PLCB1: variants seen among roughly 807,000 people sequenced by gnomAD.
PLCB1 encodes the protein phospholipase C beta 1.
A neutral mutation model predicts 161.8 loss-of-function variants in PLCB1; 46 were observed. The ratio of observed to expected loss-of-function variants is 0.28; its 90% CI spans 0.22 to 0.36. The LOEUF is 0.36. PLCB1 is among the 10% of genes least tolerant of loss of function. The pLI, the probability that PLCB1 is intolerant of heterozygous loss-of-function variation, is 1.00. For synonymous variants in PLCB1, 517 were observed against 503.7 expected (o/e 1.03, Z -0.35); for missense variants, 1,016 against 1,472.5 (o/e 0.69, Z 5.07).
chr20:8,203,552 C>T (rs1978358554), intron 2 of PLCB1, among the ~76,000 whole-genome samples: 1 of 151,744 alleles, frequency 6.6e-6, no homozygotes. Context: ...TACATGTCAC[C>T]AGGCCGGGGG....
chr20:8,812,882 C>T (rs1484649657), intron 31 of PLCB1, among the ~76,000 whole-genome samples: 1 of 152,216 alleles, frequency 6.6e-6, no homozygotes, highest in East Asian at 1.9e-4. Context: ...ACTAGGGCAG[C>T]TTCCCTTCCT....
chr20:8,561,498 T>C (rs1218280834), intron 3 of PLCB1, among the ~76,000 whole-genome samples: 1 of 151,692 alleles, frequency 6.6e-6, no homozygotes, highest in Non-Finnish European at 1.5e-5. Context: ...ATACAATGAG[T>C]CTGAAATTTC....
intron 9 of PLCB1, among the ~76,000 whole-genome samples, chr20:8,659,569 G>C (rs528161487): frequency 6.6e-6 from 1 of 152,224 alleles, no homozygotes; most frequent in South Asian, 2.1e-4. Context: ...ATTTTCTAAA[G>C]TAACAGAAAT....
intron 31 of PLCB1, among the ~76,000 whole-genome samples, chr20:8,823,690 AT>A (rs1985549549): frequency 6.6e-6 from 1 of 152,196 alleles, no homozygotes; most frequent in African/African-American, 2.4e-5. Flanking sequence ...CCCTAGTGGC[AT>A]CTTTGTTTCT....
intron 9 of PLCB1, among the ~76,000 whole-genome samples, chr20:8,673,675 T>G (rs1204168345): frequency 6.6e-6 from 1 of 152,236 alleles, no homozygotes; most frequent in African/African-American, 2.4e-5. Context: ...AATTGCCGTT[T>G]TTAGTTGTCT....
At chr20:8,205,875 C>T (rs577523539) in intron 2 of PLCB1, among the ~76,000 whole-genome samples, 2 of 151,948 alleles carry the variant, frequency 1.3e-5, no homozygotes, top group East Asian at 3.9e-4. Context: ...TTTGAGTGTG[C>T]ATTATACTAT....
intron 4 of PLCB1, among the ~76,000 whole-genome samples, chr20:8,644,060 G>A (rs911148054): frequency 3.9e-5 from 6 of 152,198 alleles, no homozygotes; most frequent in African/African-American, 1.4e-4. Flanking sequence ...GCATCCTGAG[G>A]TGCCGGGATT....
intron 2 of PLCB1, among the ~76,000 whole-genome samples, chr20:8,316,513 A>G (rs1398360214): frequency 1.3e-5 from 2 of 152,204 alleles, no homozygotes; most frequent in Non-Finnish European, 1.5e-5. Context: ...TCTGTTGGTC[A>G]GTCTCAACCC....
chr20:8,779,351 A>G (rs1174461797), intron 27 of PLCB1, among the ~76,000 whole-genome samples: 1 of 152,142 alleles, frequency 6.6e-6, no homozygotes, highest in Non-Finnish European at 1.5e-5. Flanking sequence ...AAATGAAATA[A>G]TAAAAGCAGG....
chr20:8,525,518 C>T (rs973064485), intron 3 of PLCB1, among the ~76,000 whole-genome samples: 2 of 152,124 alleles, frequency 1.3e-5, no homozygotes, highest in African/African-American at 4.8e-5. Flanking sequence ...ACTGAGGGGA[C>T]ACAATTTACT....
chr20:8,566,184 GCTA>G (rs964916721), intron 3 of PLCB1, among the ~76,000 whole-genome samples: 56 of 152,134 alleles, frequency 3.7e-4, no homozygotes, highest in African/African-American at 1.3e-3. Context: ...CTTACAACAG[GCTA>G]CTATCTACTT....
At chr20:8,199,026 A>AT (rs201477618) in intron 2 of PLCB1, among the ~76,000 whole-genome samples, 2,752 of 151,716 alleles carry the variant, frequency 0.018, 103 homozygotes, top group African/African-American at 0.063. Context: ...GAACATTAAA[A>AT]ATTTTTTTTC....
At chr20:8,636,153 A>G (rs6140660) in intron 4 of PLCB1, among the ~76,000 whole-genome samples, 5,279 of 152,318 alleles carry the variant, frequency 0.035, 176 homozygotes, top group East Asian at 0.16. Flanking sequence ...AAAACTGTGC[A>G]TGACTTCCTT....
chr20:8,134,261 G>A (rs1267969603), intron 1 of PLCB1, among the ~76,000 whole-genome samples: 1 of 152,200 alleles, frequency 6.6e-6, no homozygotes, highest in Non-Finnish European at 1.5e-5. Flanking sequence ...AAACAAGACG[G>A]TCTTGCCCAT....
At chr20:8,393,995 T>C (rs1409253594) in intron 3 of PLCB1, among the ~76,000 whole-genome samples, 1 of 152,184 alleles carries the variant, frequency 6.6e-6, no homozygotes, top group African/African-American at 2.4e-5. Flanking sequence ...TATATTATGA[T>C]GTTTTGAATT....
chr20:8,314,262 A>G (rs1984535460), intron 2 of PLCB1, among the ~76,000 whole-genome samples: 1 of 152,220 alleles, frequency 6.6e-6, no homozygotes, highest in South Asian at 2.1e-4. Flanking sequence ...TAAATAGAGG[A>G]AGGGGATAGG....
At chr20:8,501,024 C>G (rs1307820270) in intron 3 of PLCB1, among the ~76,000 whole-genome samples, 5 of 152,142 alleles carry the variant, frequency 3.3e-5, no homozygotes, top group Admixed American at 1.3e-4. Flanking sequence ...GATACCCCAA[C>G]AGTTCATATC....
chr20:8,482,097 T>A (rs1162592307), intron 3 of PLCB1, among the ~76,000 whole-genome samples: 354 of 30,574 alleles, frequency 0.012, 2 homozygotes, highest in Non-Finnish European at 0.026. Context: ...AAGGAATTTT[T>A]TTTTTTTTTT....
At chr20:8,452,868 G>A (rs964394658) in intron 3 of PLCB1, among the ~76,000 whole-genome samples, 2 of 152,186 alleles carry the variant, frequency 1.3e-5, no homozygotes, top group African/African-American at 4.8e-5. Context: ...TGTGCAAGAT[G>A]GAAAGTACGT....
Sources: allele counts gnomAD v4.1 joint callset (sites outside exome capture counted in the v4.1 genomes callset), GRCh38; gene constraint gnomAD v4.1.1; transcripts MANE v1.5; gene names NCBI Gene and HGNC (gene_info 2026-07-23, HGNC 2026-07-21).